Variants in CCL26 observed in about 807,000 individuals in gnomAD.
CCL26 encodes C-C motif chemokine 26.
CCL26 carries 10 observed loss-of-function variants against 10.7 expected under a neutral mutation model. That is an observed-to-expected ratio of 0.93 (90% CI 0.57 to 1.58). CCL26 has a LOEUF of 1.58. CCL26 is among the 40% of genes most tolerant of loss of function. CCL26 has a pLI of 0.00. For missense variants in CCL26, 116 were observed against 111.0 expected, an observed-to-expected ratio of 1.05 and a Z score of -0.20; for synonymous variants, 43 against 41.4, an observed-to-expected ratio of 1.04 and a Z score of -0.15.
At chr7:75,777,148 C>T (rs1308829641), upstream of CCL26, among the ~76,000 whole-genome samples, 1 of 152,118 alleles carries the variant, frequency 6.6e-6, no homozygotes, top group Non-Finnish European at 1.5e-5. Flanking sequence ...AGGAGAATCG[C>T]TTGAACCTGG....
At chr7:75,771,048 C>A (rs1802810029) in intron 2 of CCL26, among the ~76,000 whole-genome samples, 1 of 152,016 alleles carries the variant, frequency 6.6e-6, no homozygotes, top group African/African-American at 2.4e-5. Context: ...TGGCACCAAT[C>A]CCCTGTGGTT....
chr7:75,769,826 CTCTT>C, intron 2 of CCL26, 37 bp from the exon 3 acceptor site: 1 of 1,287,786 alleles, frequency 7.8e-7, no homozygotes, highest in Non-Finnish European at 1.1e-6. Flanking sequence ...AATATTGAGA[CTCTT>C]TGCCTCCTGG....
At chr7:75,778,183 G>C in intron 1 of CCL26, among the ~76,000 whole-genome samples, 1 of 152,032 alleles carries the variant, frequency 6.6e-6, no homozygotes. Flanking sequence ...GGGTTCCCTT[G>C]TCTCCACATC....
At chr7:75,771,772 T>C (rs1802825883) in intron 2 of CCL26, 117 bp downstream of exon 2, 1 of 693,318 alleles carries the variant, frequency 1.4e-6, no homozygotes, top group African/African-American at 1.8e-5. Context: ...CACTTGTTAG[T>C]GTGCAGAGGT....
At chr7:75,775,599 C>A (rs1283130058), upstream of CCL26, among the ~76,000 whole-genome samples, 1 of 152,110 alleles carries the variant, frequency 6.6e-6, no homozygotes, top group Non-Finnish European at 1.5e-5. Flanking sequence ...GGTCAGGTAC[C>A]CCCCAGTTCC....
intron 1 of CCL26, among the ~76,000 whole-genome samples, chr7:75,788,238 G>A (rs1184069698): frequency 6.6e-6 from 1 of 152,136 alleles, no homozygotes; most frequent in African/African-American, 2.4e-5. Flanking sequence ...ATGGCCTGAA[G>A]TAACTGAAGA....
chr7:75,790,153 C>G (rs139355366), upstream of CCL26, among the ~76,000 whole-genome samples: 14,110 of 112,220 alleles, frequency 0.13, 1,090 homozygotes, highest in East Asian at 0.35. Context: ...CTTTCTGTCT[C>G]TCTCCCTTCC....
chr7:75,782,387 C>T (rs561955228), intron 1 of CCL26, among the ~76,000 whole-genome samples: 77 of 152,210 alleles, frequency 5.1e-4, no homozygotes, highest in African/African-American at 1.7e-3. Context: ...CACCCACATT[C>T]CCTTGGTGGC....
intron 1 of CCL26, among the ~76,000 whole-genome samples, chr7:75,789,385 C>T (rs1803272777): frequency 1.3e-5 from 2 of 151,928 alleles, no homozygotes; most frequent in African/African-American, 4.8e-5. Context: ...TTCTCTCCCT[C>T]CTTCCTTGAG....
chr7:75,777,010 C>G (rs1554528827), upstream of CCL26, among the ~76,000 whole-genome samples: 1 of 152,142 alleles, frequency 6.6e-6, no homozygotes, highest in Non-Finnish European at 1.5e-5. Context: ...GTGGGTGGAT[C>G]ACCTGAGGTC....
At chr7:75,789,225 G>A (rs1170095243) in intron 1 of CCL26, among the ~76,000 whole-genome samples, 2 of 151,156 alleles carry the variant, frequency 1.3e-5, no homozygotes, top group Non-Finnish European at 1.5e-5. Context: ...GATTATAGGT[G>A]CCAGCCACCG....
chr7:75,787,651 C>CAAAAAGA (rs1803227995), intron 1 of CCL26, among the ~76,000 whole-genome samples: 1 of 27,746 alleles, frequency 3.6e-5, no homozygotes, highest in Non-Finnish European at 5.8e-5. Context: ...TCTCCAAAAG[C>CAAAAAGA]AAAAAAAAAA....
At chr7:75,785,709 G>A (rs1554529918) in intron 1 of CCL26, among the ~76,000 whole-genome samples, 1 of 148,294 alleles carries the variant, frequency 6.7e-6, no homozygotes, top group Non-Finnish European at 1.5e-5. Flanking sequence ...AGGAAACCTA[G>A]CTGACCCTAT....
intron 1 of CCL26, among the ~76,000 whole-genome samples, chr7:75,781,584 C>T (rs543878420): frequency 8.5e-5 from 13 of 152,316 alleles, no homozygotes; most frequent in African/African-American, 2.9e-4. Context: ...CAGTGACCTG[C>T]ACGTATGCAT....
At position 75,769,667 on chromosome 7, in the gene CCL26, C is replaced by T. The variant is rs41375750; in HGVS notation, c.*26G>A. The T allele has an allele frequency of 4.7e-6, 7 of 1,482,094 alleles. No homozygotes were observed. The highest frequency in any genetic ancestry group is 3.4e-5 in the South Asian group (3 of 88,314). 91.8% of individuals were successfully genotyped at this position (1,482,094 alleles called of 1,614,324 possible). Reference sequence around the variant, plus strand: ...TGCAGAGCCAAGAGCGGGGTCCAAGCGTCCTCGGATGAAAATTCAGCTGAG... The same window carrying T: ...TGCAGAGCCAAGAGCGGGGTCCAAGTGTCCTCGGATGAAAATTCAGCTGAG... On this transcript the variant is annotated 3_prime_UTR_variant, in exon 3 of 3. Transcript: ENST00000005180.
upstream of CCL26, chr7:75,772,338 T>G (rs1278132652): frequency 6.5e-6 from 4 of 615,536 alleles, no homozygotes; most frequent in African/African-American, 5.6e-5. Flanking sequence ...CTAATACTCA[T>G]AGGAATGAAA....
At chr7:75,784,376 A>T (rs62475535) in intron 1 of CCL26, among the ~76,000 whole-genome samples, 3,793 of 152,296 alleles carry the variant, frequency 0.025, 69 homozygotes, top group Middle Eastern at 0.078. Context: ...TCCTTCCCAG[A>T]TCTTCTCGGC....
At position 75,771,940 on chromosome 7, in the gene CCL26, C is replaced by T; in HGVS notation, c.137G>A (p.Trp46Ter). The change falls in exon 2 of 3, where the codon TGG (tryptophan) becomes TAG (stop). Residue 46 changes from tryptophan (W) to a stop codon, truncating the protein, a stop_gained. Transcript: ENST00000005180. LOFTEE classifies it high-confidence loss of function. The stretch of plus-strand genomic sequence containing the variant: ...ACTGGTGAATTCATAGCTTCGCACC[C>T]AGGTCCAGGGAAGGGGCTTGTGGCT... ...QYSHKPLPWT[W>*]VRSYEFTSNS... 1.2e-6 allele frequency: 2 copies of T among 1,614,134 alleles called. No homozygotes were observed.
upstream of CCL26, chr7:75,789,911 T>C (rs946363870): frequency 6.6e-6 from 1 of 152,112 alleles, no homozygotes; most frequent in Non-Finnish European, 1.5e-5. Context: ...GGACAATGAA[T>C]TCTTGGGGTA....
Sources: gnomAD v4.1 joint callset for allele counts (sites outside exome capture counted in the v4.1 genomes callset) on GRCh38, gnomAD v4.1.1 for gene constraint, MANE v1.5 for transcripts, NCBI Gene and HGNC (gene_info 2026-07-23, HGNC 2026-07-21) for gene names.